DCUN1D3: variants seen among roughly 807,000 people sequenced by gnomAD.
The protein encoded by DCUN1D3 is DCN1-like protein 3.
DCUN1D3 carries 6 observed loss-of-function variants against 24.8 expected under a neutral mutation model. The ratio of observed to expected loss-of-function variants is 0.24; its 90% confidence interval spans 0.13 to 0.48. The LOEUF is 0.48. Among genes scored for constraint, DCUN1D3 ranks in the 20% least tolerant of loss-of-function variants. The pLI is 0.99. For synonymous variants in DCUN1D3, 120 were observed against 144.9 expected, an observed-to-expected ratio of 0.83 and a Z score of 1.24; for missense variants, 258 against 379.4, an observed-to-expected ratio of 0.68 and a Z score of 2.66.
In DCUN1D3 at chr16:20,856,457, G is replaced by A. The variant is rs1002366697; in HGVS notation, c.*3429C>T. 1.3e-5 allele frequency: 2 copies of A among 152,216 alleles called. No homozygotes were observed. Among genetic ancestry groups the A allele is most frequent in the Non-Finnish European group, 2.9e-5 (2 of 68,052 alleles). The allele number at this position is 152,216 out of a possible 1,614,324, so 9.4% of individuals were successfully genotyped here. The stretch of plus-strand genomic sequence containing the variant: ...TTAATCCTTTCTCCCTTTCCAAAAA[G>A]ACTAGTTTGTGCTTTCCTTGGGGAA... On this transcript the variant is annotated 3_prime_UTR_variant, in exon 3 of 3. Transcript: ENST00000324344.
rs2081728209 is a variant in DCUN1D3 at position 20,860,751 on chromosome 16, G to GT, written c.432-383dup. Among the ~76,000 whole-genome samples the GT allele has an allele frequency of 1.3e-5, 2 of 152,124 alleles. No individual in the cohort carries two copies. The highest frequency in any genetic ancestry group is 2.4e-5 in the African/African-American group (1 of 41,406). ...CTCCTTCCAGAGGAGGAGGCTTCCT[G>GT]TTTCCCTTCTGATTCTCTATGGGTT... is the stretch of plus-strand genomic sequence containing the variant. On this transcript the variant is annotated intron_variant, in intron 2 of 2. Coordinates refer to ENST00000324344, the MANE Select transcript of DCUN1D3 (RefSeq NM_173475.4). This position sits in a 1 kb window ranked among gnomAD's most constrained non-coding sequence, Gnocchi z 4.3.
chr16:20,881,658 A>G (rs978694714), intron 1 of DCUN1D3, among the ~76,000 whole-genome samples: 1 of 152,040 alleles, frequency 6.6e-6, no homozygotes, highest in African/African-American at 2.4e-5. Flanking sequence ...GGAGGTTCCT[A>G]TGGCTATCCC....
chr16:20,882,053 A>G (rs2081846636), intron 1 of DCUN1D3, among the ~76,000 whole-genome samples: 1 of 151,940 alleles, frequency 6.6e-6, no homozygotes, highest in Non-Finnish European at 1.5e-5. Flanking sequence ...TGCCCGCCTC[A>G]GCCTCCCAAA....
At chr16:20,896,319 A>G (rs2081915713) in intron 1 of DCUN1D3, 1 of 152,196 alleles carries the variant, frequency 6.6e-6, no homozygotes, top group Non-Finnish European at 1.5e-5. Flanking sequence ...CACAACTCCA[A>G]TAGCAAGTGG....
intron 1 of DCUN1D3, among the ~76,000 whole-genome samples, chr16:20,893,772 C>T (rs1185670866): frequency 6.6e-6 from 1 of 152,194 alleles, no homozygotes; most frequent in Non-Finnish European, 1.5e-5. Context: ...TTTCCTGCTT[C>T]TCCTAAACTT....
chr16:20,881,383 G>A (rs916524341), intron 1 of DCUN1D3, among the ~76,000 whole-genome samples: 4 of 152,056 alleles, frequency 2.6e-5, no homozygotes, highest in East Asian at 1.9e-4. Flanking sequence ...CTCCAGCCTG[G>A]GTGACAGAGC....
chr16:20,897,837 C>T (rs1223366844), intron 1 of DCUN1D3, among the ~76,000 whole-genome samples: 1 of 152,202 alleles, frequency 6.6e-6, no homozygotes, highest in Non-Finnish European at 1.5e-5. Flanking sequence ...TCCTCTCCCA[C>T]TCAGCAGAGT....
In DCUN1D3 at chr16:20,859,907, C is replaced by A; in HGVS notation, c.894G>T (p.Leu298Phe). ...RGALSSGPEGLCPEEQT is the reference protein window; with the variant it reads ...RGALSSGPEGFCPEEQT Reference sequence around the variant, plus strand: ...GCCACTAAGTCTGCTCCTCGGGACACAAGCCCTCAGGCCCTGAGCTGAGTG... The same window carrying A: ...GCCACTAAGTCTGCTCCTCGGGACAAAAGCCCTCAGGCCCTGAGCTGAGTG... Residue 298 changes from leucine (L) to phenylalanine (F), a missense_variant, in exon 3 of 3, where the codon TTG becomes TTT. By Grantham distance (22) the Leu-to-Phe change is conservative. Coordinates refer to ENST00000324344, the MANE Select transcript of DCUN1D3 (RefSeq NM_173475.4). The A allele has an allele frequency of 6.2e-7, 1 of 1,612,122 alleles. No homozygotes were observed. The highest frequency in any genetic ancestry group is 8.5e-7 in the Non-Finnish European group (1 of 1,178,610).
chr16:20,862,541 T>G lies in DCUN1D3; in HGVS notation c.-3A>C, dbSNP rs752245365. On this transcript the variant is annotated 5_prime_UTR_variant, in exon 2 of 3. Coordinates refer to ENST00000324344, the MANE Select transcript of DCUN1D3 (RefSeq NM_173475.4). ...CACTTGGTGACACACTGGCCCATGG[T>G]GCTGGTGGCCTGGCCTCTAGAGTGG... 2.5e-6 allele frequency: 4 copies of G among 1,598,370 alleles called. No individual in the cohort carries two copies. The African/African-American group carries it at 4.0e-5, about 16-fold the overall frequency.
chr16:20,859,623 G>T lies in DCUN1D3; in HGVS notation c.*263C>A, dbSNP rs978376518. On this transcript the variant is annotated 3_prime_UTR_variant, in exon 3 of 3. Transcript: ENST00000324344. ...AATGGCAGGCTTATTCTATCTGAAG[G>T]CTTCAAAAAAAGATACACAACATGT... 1.8e-5 allele frequency: 6 copies of T among 342,350 alleles called. No homozygotes were observed. The highest frequency in any genetic ancestry group is 3.1e-5 in the Non-Finnish European group (6 of 194,170). The allele number at this position is 342,350 out of a possible 1,614,324, so 21.2% of individuals were successfully genotyped here. A position where few individuals can be genotyped will look rare whatever the true frequency, so the allele number is the denominator to read the frequency against.
intron 1 of DCUN1D3, among the ~76,000 whole-genome samples, chr16:20,880,611 AAAAAAAAAAAAAAAAAAACAG>A (rs1357402370): frequency 6.3e-4 from 93 of 148,194 alleles, no homozygotes; most frequent in African/African-American, 2.3e-3. Flanking sequence ...TCTCAAAAAA[AAAAAAAAAAAAAAAAAAACAG>A]AAAAAAGAAA....
At chr16:20,884,893 C>CTGT (rs945499328) in intron 1 of DCUN1D3, among the ~76,000 whole-genome samples, 3 of 151,420 alleles carry the variant, frequency 2.0e-5, no homozygotes, top group Non-Finnish European at 4.4e-5. Context: ...TCAGCCTGGG[C>CTGT]AACAGAGTAA....
chr16:20,859,584 A>G lies in DCUN1D3; in HGVS notation c.*302T>C, dbSNP rs2081719863. On this transcript the variant is annotated 3_prime_UTR_variant, in exon 3 of 3. Transcript: ENST00000324344. ...ACAAAAAAAAACAAAAAAAAAACCT[A>G]AATTTGTGCAAGAAATGGCAGGCTT... 2 of 261,810 alleles carry G rather than the reference A, an allele frequency of 7.6e-6. No homozygotes were observed. The highest frequency in any genetic ancestry group is 3.4e-4 in the South Asian group (2 of 5,928). 16.2% of individuals were successfully genotyped at this position (261,810 alleles called of 1,614,324 possible). A position where few individuals can be genotyped will look rare whatever the true frequency, so the allele number is the denominator to read the frequency against.
rs879111709 is a variant in DCUN1D3 at position 20,859,570 on chromosome 16, CAAAAAAAAA to C, written c.*307_*315del. ...AAAAAAAAAAAAAAACAAAAAAAAA[CAAAAAAAAA>C]ACCTAAATTTGTGCAAGAAATGGCA... On this transcript the variant is annotated 3_prime_UTR_variant, in exon 3 of 3. Transcript: ENST00000324344. 1 of 91,250 alleles carries C rather than the reference CAAAAAAAAA, an allele frequency of 1.1e-5. No individual in the cohort carries two copies. Among genetic ancestry groups the C allele is most frequent in the Admixed American group, 1.3e-4 (1 of 7,994 alleles). The allele number at this position is 91,250 out of a possible 1,614,324, so 5.7% of individuals were successfully genotyped here.
rs936191899 is a variant in DCUN1D3 at position 20,857,054 on chromosome 16, C to G, written c.*2832G>C. On this transcript the variant is annotated 3_prime_UTR_variant, in exon 3 of 3. Transcript: ENST00000324344. The stretch of plus-strand genomic sequence containing the variant: ...AAACCTATTTCTAGGTTGAAAGGAA[C>G]AAGACTTTTCACTTCCCAGAAGTAT... 2.6e-5 allele frequency: 4 copies of G among 152,178 alleles called. No individual in the cohort carries two copies. Among genetic ancestry groups the G allele is most frequent in the African/African-American group, 9.7e-5 (4 of 41,432 alleles). 9.4% of individuals were successfully genotyped at this position (152,178 alleles called of 1,614,324 possible). A position where few individuals can be genotyped will look rare whatever the true frequency, so the allele number is the denominator to read the frequency against.
In DCUN1D3 at chr16:20,857,835, A is replaced by AC. The variant is rs2081709812; in HGVS notation, c.*2050dup. On this transcript the variant is annotated 3_prime_UTR_variant, in exon 3 of 3. Coordinates refer to ENST00000324344, the MANE Select transcript of DCUN1D3 (RefSeq NM_173475.4). ...TCAGGTTTAGGATTTAAAAAAAAAA[A>AC]CAAATTCCAAGTATGTTCCCTATGG... is the stretch of plus-strand genomic sequence containing the variant. 6.6e-6 allele frequency: 1 copy of AC among 151,950 alleles called. No individual in the cohort carries two copies. The highest frequency in any genetic ancestry group is 1.5e-5 in the Non-Finnish European group (1 of 67,994). 9.4% of individuals were successfully genotyped at this position (151,950 alleles called of 1,614,324 possible). A position where few individuals can be genotyped will look rare whatever the true frequency, so the allele number is the denominator to read the frequency against.
At chr16:20,881,799 T>G (rs1481426002) in intron 1 of DCUN1D3, among the ~76,000 whole-genome samples, 1 of 152,042 alleles carries the variant, frequency 6.6e-6, no homozygotes, top group Non-Finnish European at 1.5e-5. Context: ...GGTGGGGAAA[T>G]GTGTTTACTT....
rs556152945 is a variant in DCUN1D3 at position 20,862,663 on chromosome 16, C to T, written c.-105-20G>A. 31 of 1,512,644 alleles carry T rather than the reference C, an allele frequency of 2.0e-5. No homozygotes were observed. In the African/African-American group the frequency reaches 3.6e-4, roughly 18 times the overall value. The allele number at this position is 1,512,644 out of a possible 1,614,324, so 93.7% of individuals were successfully genotyped here. The stretch of plus-strand genomic sequence containing the variant: ...GCCAACCTGGAAGGAAATTAGAAAG[C>T]CATCACCTCTGGGTGGGGGAAATGG... On this transcript the variant is annotated intron_variant, in intron 1 of 2. Coordinates refer to ENST00000324344, the MANE Select transcript of DCUN1D3 (RefSeq NM_173475.4).
rs901961842 is a variant in DCUN1D3, at chr16:20,893,176, T to C, written c.-106+7028A>G. 3.3e-5 allele frequency among the ~76,000 whole-genome samples: 5 copies of C among 152,054 alleles called. No homozygotes were observed. The East Asian group carries it at 9.6e-4, about 29-fold the overall frequency. On this transcript the variant is annotated intron_variant, in intron 1 of 2. Coordinates refer to ENST00000324344, the MANE Select transcript of DCUN1D3 (RefSeq NM_173475.4). ...TAACTTTAAGCATTTACTCATCTTT[T>C]TTTTTTTTTTTAAATGAGACAGGGT...
Sources: gnomAD v4.1 joint callset for allele counts (sites outside exome capture counted in the v4.1 genomes callset) on GRCh38, gnomAD v4.1.1 for gene constraint, Gnocchi (gnomAD v3.1) non-coding constraint, MANE v1.5 for transcripts, NCBI Gene and HGNC (gene_info 2026-07-23, HGNC 2026-07-21) for gene names.